The following PDZD8 variants were observed in gnomAD, a reference collection of about 807,000 sequenced individuals.
PDZD8 encodes PDZ domain-containing protein 8.
A neutral mutation model predicts 85.8 loss-of-function variants in PDZD8; 14 were observed. That is an observed-to-expected ratio of 0.16 (90% CI 0.11 to 0.26). The LOEUF (loss-of-function observed/expected upper bound fraction) is 0.26. Ranked by LOEUF, PDZD8 falls within the 10% of genes least tolerant of loss-of-function variation. The pLI is 1.00. For missense variants in PDZD8, 1,197 were observed against 1,424.3 expected (o/e 0.84, Z 2.57); for synonymous variants, 592 against 568.6 (o/e 1.04, Z -0.59).
At chr10:117,301,137 T>C (rs978214726) in intron 3 of PDZD8, among the ~76,000 whole-genome samples, 1 of 152,024 alleles carries the variant, frequency 6.6e-6, no homozygotes, top group Non-Finnish European at 1.5e-5. Flanking sequence ...TACAGGTGCG[T>C]GCCACCACAC....
At chr10:117,315,680 A>G (rs376871351) in intron 3 of PDZD8, among the ~76,000 whole-genome samples, 5 of 151,982 alleles carry the variant, frequency 3.3e-5, no homozygotes, top group African/African-American at 1.2e-4. Context: ...GAAAACTCCA[A>G]TTCTGGGAGG....
chr10:117,347,197 G>A (rs2133857130), intron 1 of PDZD8, among the ~76,000 whole-genome samples: 1 of 152,100 alleles, frequency 6.6e-6, no homozygotes, highest in South Asian at 2.1e-4. Context: ...TACCCCGCCA[G>A]CATTAACATG....
intron 3 of PDZD8, among the ~76,000 whole-genome samples, chr10:117,306,630 T>TGA (rs1276159698): frequency 6.6e-6 from 1 of 151,684 alleles, no homozygotes; most frequent in East Asian, 1.9e-4. Flanking sequence ...TAAGGAAGTA[T>TGA]GAGAGCCTTA....
Position 117,375,068 on chromosome 10 carries a change from G to A in PDZD8, c.160C>T (p.Leu54=), listed in dbSNP as rs773203011. 2.1e-5 allele frequency: 33 copies of A among 1,601,170 alleles called. No individual in the cohort carries two copies. The highest frequency in any genetic ancestry group is 4.0e-5 in the African/African-American group (3 of 74,660). The change falls in exon 1 of 5, where the codon CTG becomes TTG. Residue 54 remains leucine, a synonymous_variant. Transcript: ENST00000334464. ...GFRYIKPVPG[L]LLREYLYGGG... is the part of the protein sequence containing the mutation. The stretch of plus-strand genomic sequence containing the variant: ...CCATAAAGGTACTCCCTTAGGAGCA[G>A]GCCCGGCACTGGCTTGATGTAGCGG...
intron 3 of PDZD8, among the ~76,000 whole-genome samples, chr10:117,301,887 C>T (rs187793993): frequency 2.6e-4 from 39 of 152,234 alleles, no homozygotes; most frequent in Non-Finnish European, 1.3e-4. Context: ...CTCCCTCCCC[C>T]GGACAGCCCC....
At position 117,315,671 on chromosome 10, in the gene PDZD8, A is replaced by C. The variant is rs71475019; in HGVS notation, c.1098+3201T>G. On this transcript the variant is annotated intron_variant, in intron 3 of 4. Transcript: ENST00000334464. ...AAGCAACTGGGTGGTCAGTGGCAAGAAAACTCCAATTCTGGGAGGGTAAAA... is the reference window on the plus strand; with the variant it reads ...AAGCAACTGGGTGGTCAGTGGCAAGCAAACTCCAATTCTGGGAGGGTAAAA... 9.5e-4 allele frequency among the ~76,000 whole-genome samples: 144 copies of C among 152,070 alleles called. 1 individual carries two copies. The highest frequency in any genetic ancestry group is 1.4e-3 in the Non-Finnish European group (95 of 67,992).
At chr10:117,341,749 T>C (rs1844616849) in intron 1 of PDZD8, among the ~76,000 whole-genome samples, 1 of 152,208 alleles carries the variant, frequency 6.6e-6, no homozygotes. Context: ...ATATTTTCAA[T>C]CCACAGTTGT....
chr10:117,308,006 C>G (rs1442462910), intron 3 of PDZD8, among the ~76,000 whole-genome samples: 4 of 152,080 alleles, frequency 2.6e-5, no homozygotes, highest in Admixed American at 2.6e-4. Context: ...TGAACTACTT[C>G]CTAAATGCTT....
chr10:117,291,530 G>A (rs1278529214), intron 3 of PDZD8, among the ~76,000 whole-genome samples: 4 of 143,858 alleles, frequency 2.8e-5, no homozygotes, highest in Non-Finnish European at 1.5e-5. Context: ...CTCCACCTCA[G>A]AAAAAAAAAA....
intron 3 of PDZD8, among the ~76,000 whole-genome samples, chr10:117,299,626 T>G (rs897473826): frequency 6.6e-6 from 1 of 152,182 alleles, no homozygotes; most frequent in African/African-American, 2.4e-5. Flanking sequence ...TTCCACTGCA[T>G]TTTGTATTTA....
rs143206364 is a variant in PDZD8, at chr10:117,332,843, C to A, written c.995+8137G>T. Reference sequence around the variant, plus strand: ...TTTTTAAAAAAGGATATGGGCCAGGCGTGGTGGCTCATGCCTGTAATCCCA... The same window carrying A: ...TTTTTAAAAAAGGATATGGGCCAGGAGTGGTGGCTCATGCCTGTAATCCCA... On this transcript the variant is annotated intron_variant, in intron 2 of 4. Transcript: ENST00000334464. Among the ~76,000 whole-genome samples the A allele has an allele frequency of 4.1e-5, 6 of 147,762 alleles. No individual in the cohort carries two copies. In the East Asian group the frequency reaches 1.3e-3, roughly 33 times the overall value.
chr10:117,362,109 T>C (rs1409219921), intron 1 of PDZD8, among the ~76,000 whole-genome samples: 1 of 152,164 alleles, frequency 6.6e-6, no homozygotes, highest in African/African-American at 2.4e-5. Context: ...AAGTAAAACA[T>C]CTTCTAAAGT....
chr10:117,329,426 G>T (rs764337680), intron 2 of PDZD8, among the ~76,000 whole-genome samples: 4 of 152,076 alleles, frequency 2.6e-5, no homozygotes, highest in Non-Finnish European at 5.9e-5. Flanking sequence ...CTAGAAACAT[G>T]TTAAGATCGT....
At chr10:117,302,078 G>T (rs560189583) in intron 3 of PDZD8, among the ~76,000 whole-genome samples, 64 of 152,278 alleles carry the variant, frequency 4.2e-4, no homozygotes, top group African/African-American at 1.5e-3. Context: ...GAAAACACAT[G>T]AAAAGAAACA....
rs1235983186 is a variant in PDZD8 at position 117,329,975 on chromosome 10, A to AGGGAGGAAG, written c.996-11002_996-11001insCTTCCTCCC. Among the ~76,000 whole-genome samples, 175 of 32,636 alleles carry AGGGAGGAAG rather than the reference A, an allele frequency of 5.4e-3. 1 individual carries two copies. Among genetic ancestry groups the AGGGAGGAAG allele is most frequent in the African/African-American group, 0.013 (164 of 12,426 alleles). 21.4% of individuals were successfully genotyped at this position (32,636 alleles called of 152,430 possible). A position where few individuals can be genotyped will look rare whatever the true frequency, so the allele number is the denominator to read the frequency against. ...AAGGAAGGAGGGAGGAAGGGAAGGA[A>AGGGAGGAAG]GGAAGGAAGGAAGGAAGGAAGGAAG... On this transcript the variant is annotated intron_variant, in intron 2 of 4. Transcript: ENST00000334464.
chr10:117,298,814 C>T (rs1312860454), intron 3 of PDZD8, among the ~76,000 whole-genome samples: 2 of 152,262 alleles, frequency 1.3e-5, no homozygotes, highest in Admixed American at 6.5e-5. Context: ...AGCTGGGCAT[C>T]ATTACATTTT....
chr10:117,366,220 G>A (rs2133887337), intron 1 of PDZD8, among the ~76,000 whole-genome samples: 1 of 152,240 alleles, frequency 6.6e-6, no homozygotes, highest in Non-Finnish European at 1.5e-5. Flanking sequence ...TATGTTTACG[G>A]TAACAAAGTT....
Position 117,283,099 on chromosome 10 carries a change from G to T in PDZD8, c.*169C>A. 1 of 617,354 alleles carries T rather than the reference G, an allele frequency of 1.6e-6. No individual in the cohort carries two copies. Among genetic ancestry groups the T allele is most frequent in the Non-Finnish European group, 2.6e-6 (1 of 378,518 alleles). The allele number at this position is 617,354 out of a possible 1,614,324, so 38.2% of individuals were successfully genotyped here. ...GCAATCCAAAACAACCAATTAGTAAGCTGGTCATGTTTTTACTGGAAAACA... is the reference window on the plus strand; with the variant it reads ...GCAATCCAAAACAACCAATTAGTAATCTGGTCATGTTTTTACTGGAAAACA... On this transcript the variant is annotated 3_prime_UTR_variant, in exon 5 of 5. Coordinates refer to ENST00000334464, the MANE Select transcript of PDZD8 (RefSeq NM_173791.5).
chr10:117,373,604 CA>C (rs796930758), intron 1 of PDZD8, among the ~76,000 whole-genome samples: 5,058 of 52,434 alleles, frequency 0.096, 120 homozygotes, highest in Non-Finnish European at 0.1. Context: ...CTAAAAAATA[CA>C]AAAAAAAAAA....
Sources: gnomAD v4.1 joint callset for allele counts (sites outside exome capture counted in the v4.1 genomes callset) on GRCh38, gnomAD v4.1.1 for gene constraint, MANE v1.5 for transcripts, NCBI Gene and HGNC (gene_info 2026-07-23, HGNC 2026-07-21) for gene names.